The following DNAH14 variants were observed in gnomAD, a reference collection of about 807,000 sequenced individuals.
DNAH14 encodes axonemal beta dynein heavy chain 14.
A neutral mutation model predicts 520.9 loss-of-function variants in DNAH14; 478 were observed. The ratio of observed to expected loss-of-function variants is 0.92; its 90% confidence interval spans 0.85 to 0.99. DNAH14 has a LOEUF of 0.99. Ranked by LOEUF, DNAH14 falls within the 50% of genes least tolerant of loss-of-function variation. The pLI is 0.00. For missense variants in DNAH14, 4,831 were observed against 5,234.5 expected (o/e 0.92, Z 2.38); for synonymous variants, 1,581 against 1,757.2 (o/e 0.90, Z 2.51).
At chr1:224,960,052 G>A in intron 3 of DNAH14, 101 bp from the exon 4 acceptor site, 1 of 1,215,646 alleles carries the variant, frequency 8.2e-7, no homozygotes, top group East Asian at 2.7e-5. Flanking sequence ...ATGCTATACT[G>A]CCTTATATAA....
In DNAH14 at chr1:225,374,791, T is replaced by C. The variant is rs1255653494; in HGVS notation, c.12422T>C (p.Ile4141Thr). 2.6e-6 allele frequency: 4 copies of C among 1,551,466 alleles called. No individual in the cohort carries two copies. Among genetic ancestry groups the C allele is most frequent in the South Asian group, 1.2e-5 (1 of 84,064 alleles). Residue 4141 changes from isoleucine to threonine, a missense_variant, in exon 78 of 86, where the codon ATT (isoleucine) becomes ACT (threonine). Transcript: ENST00000682510. ...IGEVIYGGRV[I>T]DNWDKRCLKT... is the part of the protein sequence containing the mutation. ...GAAGTGATTTACGGTGGCCGGGTGA[T>C]TGATAATTGGGACAAGCGATGCTTG...
Position 225,335,051 on chromosome 1 carries a change from T to C in DNAH14, c.10080+1545T>C, listed in dbSNP as rs192896850. On this transcript the variant is annotated intron_variant, in intron 66 of 85. Coordinates refer to ENST00000682510, the MANE Select transcript of DNAH14 (RefSeq NM_001367479.1). ...ACATACATATATACACATATATACATATGTACATATATGTATATATAACGT... is the reference window on the plus strand; with the variant it reads ...ACATACATATATACACATATATACACATGTACATATATGTATATATAACGT... 5.4e-5 allele frequency among the ~76,000 whole-genome samples: 8 copies of C among 149,298 alleles called. No individual in the cohort carries two copies. In the East Asian group the frequency reaches 1.6e-3, roughly 29 times the overall value.
chr1:225,335,352 T>TACAC lies in DNAH14; in HGVS notation c.10080+1846_10080+1847insACAC, dbSNP rs199613326. Among the ~76,000 whole-genome samples the TACAC allele has an allele frequency of 9.7e-3, 361 of 37,302 alleles. 34 individuals carry two copies. Among genetic ancestry groups the TACAC allele is most frequent in the East Asian group, 0.029 (23 of 800 alleles). The allele number at this position is 37,302 out of a possible 152,430, so 24.5% of individuals were successfully genotyped here. On this transcript the variant is annotated intron_variant, in intron 66 of 85. Coordinates refer to ENST00000682510, the MANE Select transcript of DNAH14 (RefSeq NM_001367479.1). ...ACACGTGTGTACATGTGTGTGTATATGCATATACACGTGTACATGTGTGTG... is the reference window on the plus strand; with the variant it reads ...ACACGTGTGTACATGTGTGTGTATATACACGCATATACACGTGTACATGTGTGTG...
intron 35 of DNAH14, among the ~76,000 whole-genome samples, chr1:225,163,805 C>T (rs922451528): frequency 6.6e-6 from 1 of 152,012 alleles, no homozygotes; most frequent in African/African-American, 2.4e-5. Context: ...GAATATTGGC[C>T]TATAGTCTTC....
chr1:225,197,286 G>C (rs1001799230), intron 38 of DNAH14, among the ~76,000 whole-genome samples: 2 of 152,100 alleles, frequency 1.3e-5, no homozygotes, highest in African/African-American at 4.8e-5. Flanking sequence ...AGCACCATTT[G>C]TTGAGTAGGG....
intron 28 of DNAH14, among the ~76,000 whole-genome samples, chr1:225,143,296 T>TA (rs2079613598): frequency 6.6e-6 from 1 of 152,142 alleles, no homozygotes; most frequent in South Asian, 2.1e-4. Context: ...ATTTCTTCTT[T>TA]AAAAAAACAT....
At chr1:225,163,917 A>G (rs922744632) in intron 35 of DNAH14, among the ~76,000 whole-genome samples, 1 of 152,116 alleles carries the variant, frequency 6.6e-6, no homozygotes, top group Non-Finnish European at 1.5e-5. Flanking sequence ...TGCAATTTAT[A>G]TATTTAGCCT....
intron 27 of DNAH14, among the ~76,000 whole-genome samples, chr1:225,134,603 T>C (rs1401406390): frequency 6.6e-6 from 1 of 152,220 alleles, no homozygotes; most frequent in Non-Finnish European, 1.5e-5. Flanking sequence ...AGGTTTTTGA[T>C]GTGCTGCTGG....
intron 80 of DNAH14, among the ~76,000 whole-genome samples, chr1:225,380,870 A>G (rs2095771951): frequency 6.6e-6 from 1 of 152,236 alleles, no homozygotes; most frequent in Non-Finnish European, 1.5e-5. Flanking sequence ...TGGGAACCAA[A>G]TATTGAGCAA....
intron 54 of DNAH14, among the ~76,000 whole-genome samples, chr1:225,283,746 A>C (rs1423541490): frequency 6.6e-6 from 1 of 152,126 alleles, no homozygotes; most frequent in Admixed American, 6.5e-5. Flanking sequence ...TTTGAAGCAA[A>C]CATGTAACAT....
chr1:225,167,075 G>A (rs2082103687), intron 35 of DNAH14, among the ~76,000 whole-genome samples: 1 of 152,120 alleles, frequency 6.6e-6, no homozygotes, highest in African/African-American at 2.4e-5. Context: ...ATAAGTTCAG[G>A]CCTGAAGTGG....
intron 41 of DNAH14, among the ~76,000 whole-genome samples, chr1:225,226,812 A>T (rs1389649062): frequency 6.6e-6 from 1 of 152,028 alleles, no homozygotes; most frequent in African/African-American, 2.4e-5. Flanking sequence ...GGCAAGGGGG[A>T]TGTGGCAGAA....
intron 6 of DNAH14, 162 bp downstream of exon 6, chr1:224,967,745 G>A: frequency 6.5e-7 from 1 of 1,529,462 alleles, no homozygotes; most frequent in South Asian, 1.3e-5. Context: ...TTATTTAATA[G>A]TGAAGTTTTT....
At chr1:225,229,390 C>T (rs1350953999) in intron 41 of DNAH14, among the ~76,000 whole-genome samples, 1 of 152,152 alleles carries the variant, frequency 6.6e-6, no homozygotes, top group Non-Finnish European at 1.5e-5. Flanking sequence ...ACCAGAAATA[C>T]CATTTGACTC....
At chr1:225,136,978 CTT>C (rs1270922621) in intron 27 of DNAH14, among the ~76,000 whole-genome samples, 2 of 152,132 alleles carry the variant, frequency 1.3e-5, no homozygotes, top group Non-Finnish European at 2.9e-5. Flanking sequence ...GTGAATTTCT[CTT>C]GTGTTTTTCA....
chr1:225,066,553 A>T (rs1227972170), intron 17 of DNAH14, among the ~76,000 whole-genome samples: 1 of 151,758 alleles, frequency 6.6e-6, no homozygotes, highest in Non-Finnish European at 1.5e-5. Flanking sequence ...GGTTACATGG[A>T]TAAGTTCTTT....
intron 1 of DNAH14, among the ~76,000 whole-genome samples, chr1:224,933,182 G>T (rs374310938): frequency 6.6e-5 from 10 of 151,810 alleles, no homozygotes; most frequent in African/African-American, 2.2e-4. Context: ...TTTTTCTTTT[G>T]TGGCTATTGT....
At position 225,303,287 on chromosome 1, in the gene DNAH14, A is replaced by C; in HGVS notation, c.8763A>C (p.Glu2921Asp). Reference sequence around the variant, plus strand: ...ATTGGTATGAGAGGTGGCCAGAAGAAGCTCTCCTTATTGTAGCTAACTCAT... The same window carrying C: ...ATTGGTATGAGAGGTGGCCAGAAGACGCTCTCCTTATTGTAGCTAACTCAT... ...TIDWYERWPEEALLIVANSFL... is the reference protein window; with the variant it reads ...TIDWYERWPEDALLIVANSFL... The change falls in exon 57 of 86, where the codon GAA becomes GAC. Residue 2921 changes from glutamate to aspartate, a missense_variant. Transcript: ENST00000682510. 4.5e-6 allele frequency: 7 copies of C among 1,551,552 alleles called. No homozygotes were observed. Among genetic ancestry groups the C allele is most frequent in the Non-Finnish European group, 6.1e-6 (7 of 1,146,858 alleles).
chr1:225,142,733 G>A (rs2079566391), intron 28 of DNAH14, among the ~76,000 whole-genome samples: 1 of 152,132 alleles, frequency 6.6e-6, no homozygotes, highest in African/African-American at 2.4e-5. Flanking sequence ...TTGGAGACCA[G>A]TCTGGCCAAC....
Sources: allele counts gnomAD v4.1 joint callset (sites outside exome capture counted in the v4.1 genomes callset), GRCh38; gene constraint gnomAD v4.1.1; transcripts MANE v1.5; gene names NCBI Gene and HGNC (gene_info 2026-07-23, HGNC 2026-07-21).